F13B: variants seen among roughly 807,000 people sequenced by gnomAD.
The protein encoded by F13B is TGase.
F13B carries 58 observed loss-of-function variants against 79.8 expected under a neutral mutation model. The observed-to-expected ratio is 0.73, with a 90% CI of 0.59 to 0.90. F13B has a LOEUF of 0.90. Among genes scored for constraint, F13B ranks in the 40% least tolerant of loss-of-function variants. F13B has a pLI of 0.00. For synonymous variants in F13B, 283 were observed against 260.3 expected (o/e 1.09, Z -0.84); for missense variants, 773 against 777.0 (o/e 0.99, Z 0.06).
In F13B at chr1:197,052,682, C is replaced by G. The variant is rs1415045212; in HGVS notation, c.1507G>C (p.Val503Leu). 5 of 1,611,928 alleles carry G rather than the reference C, an allele frequency of 3.1e-6. No homozygotes were observed. The highest frequency in any genetic ancestry group is 4.2e-6 in the Non-Finnish European group (5 of 1,178,890). The change falls in exon 9 of 12, where the codon GTG becomes CTG. Residue 503 changes from valine (V) to leucine (L), a missense_variant. Val to Leu is a conservative substitution (Grantham distance 32). Coordinates refer to ENST00000367412, the MANE Select transcript of F13B (RefSeq NM_001994.3). ...SPLTPLSELS[V>L]QCNRGEVKYP... ...TTCACTTCTCCTCTGTTGCACTGCA[C>G]AGATAATTCAGACAATGGGGTTAAT...
At chr1:197,060,187 A>G (rs1224069226) in intron 5 of F13B, among the ~76,000 whole-genome samples, 179 bp downstream of exon 5, 1 of 152,032 alleles carries the variant, frequency 6.6e-6, no homozygotes, top group African/African-American at 2.4e-5. Context: ...AACAAGATTT[A>G]TTCAGGTGGG....
chr1:197,048,054 G>C (rs1227799660), intron 10 of F13B, among the ~76,000 whole-genome samples: 2 of 152,064 alleles, frequency 1.3e-5, no homozygotes, highest in South Asian at 2.1e-4. Flanking sequence ...GTTGATGGGT[G>C]CAGCAAACCA....
intron 9 of F13B, among the ~76,000 whole-genome samples, chr1:197,052,000 T>C (rs1263002361): frequency 6.6e-6 from 1 of 152,178 alleles, no homozygotes; most frequent in Non-Finnish European, 1.5e-5. Context: ...GATAGTTTCT[T>C]TTGCTGTGCA....
chr1:197,047,436 A>G (rs1345488121), intron 10 of F13B, among the ~76,000 whole-genome samples: 2 of 151,674 alleles, frequency 1.3e-5, no homozygotes, highest in East Asian at 3.9e-4. Flanking sequence ...CAGAACCACA[A>G]TGAGAGACCA....
rs1237146649 is a variant in F13B, at chr1:197,060,353, T to A, written c.805+13A>T. On this transcript the variant is annotated intron_variant, in intron 5 of 11. Transcript: ENST00000367412. ...GACATGGCATTTTGCGAGTATTAAA[T>A]TTAAAAATTTACCTTCGCATACAGG... 1.9e-6 allele frequency: 3 copies of A among 1,604,586 alleles called. No homozygotes were observed. The highest frequency in any genetic ancestry group is 2.6e-6 in the Non-Finnish European group (3 of 1,172,038).
At chr1:197,060,675 T>C (rs1449647224) in intron 4 of F13B, 133 bp from the exon 5 acceptor site, 1 of 741,776 alleles carries the variant, frequency 1.3e-6, no homozygotes, top group African/African-American at 1.8e-5. Context: ...ATTTTATATA[T>C]TTGTTAAATA....
intron 8 of F13B, among the ~76,000 whole-genome samples, chr1:197,053,310 C>G (rs1209341128): frequency 1.3e-5 from 2 of 152,122 alleles, no homozygotes; most frequent in Non-Finnish European, 2.9e-5. Context: ...CAAATCTCAT[C>G]TTGAATTGTA....
At chr1:197,055,079 G>A (rs1655586772) in intron 8 of F13B, among the ~76,000 whole-genome samples, 4 of 151,824 alleles carry the variant, frequency 2.6e-5, no homozygotes, top group African/African-American at 9.7e-5. Flanking sequence ...GACAAACCAT[G>A]TTTACAATAT....
chr1:197,039,401 A>G lies in F13B; in HGVS notation c.1963T>C (p.Tyr655His). The G allele has an allele frequency of 2.5e-6, 4 of 1,610,644 alleles. No individual in the cohort carries two copies. The highest frequency in any genetic ancestry group is 3.4e-6 in the Non-Finnish European group (4 of 1,177,858). Reference sequence around the variant, plus strand: ...TTCTATGTTCTTAAGGGTTCTTGATAAGACAGAGTGCTTGAGGGGAAAAAG... The same window carrying G: ...TTCTATGTTCTTAAGGGTTCTTGATGAGACAGAGTGCTTGAGGGGAAAAAG... The part of the protein sequence containing the change: ...RCIPRQSTLS[Y>H]QEPLRT Residue 655 changes from tyrosine to histidine, a missense_variant, in exon 12 of 12, where the codon TAT (tyrosine) becomes CAT (histidine). Coordinates refer to ENST00000367412, the MANE Select transcript of F13B (RefSeq NM_001994.3).
intron 10 of F13B, among the ~76,000 whole-genome samples, chr1:197,041,672 T>A (rs368657511): frequency 3.3e-5 from 5 of 152,198 alleles, no homozygotes; most frequent in African/African-American, 7.2e-5. Context: ...AAACCGCAGA[T>A]AATGCTAAAC....
At chr1:197,044,929 A>G (rs974134422) in intron 10 of F13B, among the ~76,000 whole-genome samples, 2 of 152,174 alleles carry the variant, frequency 1.3e-5, no homozygotes, top group African/African-American at 4.8e-5. Flanking sequence ...AACGAAATGA[A>G]GGCAGAAATA....
At chr1:197,064,213 T>C (rs1655970666) in intron 1 of F13B, among the ~76,000 whole-genome samples, 1 of 152,120 alleles carries the variant, frequency 6.6e-6, no homozygotes, top group African/African-American at 2.4e-5. Flanking sequence ...CAACTGAAAG[T>C]ATAAATCAGT....
intron 5 of F13B, among the ~76,000 whole-genome samples, chr1:197,059,695 T>C (rs1345654576): frequency 1.3e-5 from 2 of 152,194 alleles, no homozygotes; most frequent in Non-Finnish European, 2.9e-5. Flanking sequence ...GATTGTACCA[T>C]TTGTCACATT....
chr1:197,040,058 T>C (rs899522198), intron 11 of F13B: 5 of 154,882 alleles, frequency 3.2e-5, no homozygotes, highest in African/African-American at 9.6e-5. Context: ...GGATATATTT[T>C]TTAAACTGTC....
At chr1:197,047,706 G>C (rs1558305141) in intron 10 of F13B, among the ~76,000 whole-genome samples, 1 of 152,064 alleles carries the variant, frequency 6.6e-6, no homozygotes, top group African/African-American at 2.4e-5. Flanking sequence ...GTTTTTTGCA[G>C]AACTATTCAC....
rs771039575 is a variant in F13B at position 197,057,169 on chromosome 1, GT to G, written c.1014del (p.Glu338AspfsTer23). The stretch of plus-strand genomic sequence containing the variant: ...GCTGCACCATTTTCAATGAAGGGTG[GT>G]TCCTCACAGGCTACCTTCTCCTGTC... Reference protein sequence around the residue: ...IEGQEKVACEEPPFIENGAAN... With the variant: ...IEGQEKVACEXPPFIENGAAN... On this transcript the variant is annotated frameshift_variant, in exon 7 of 12. Transcript: ENST00000367412. LOFTEE classifies it high-confidence loss of function. 1 of 1,613,840 alleles carries G rather than the reference GT, an allele frequency of 6.2e-7. No individual in the cohort carries two copies. The highest frequency in any genetic ancestry group is 1.7e-5 in the Admixed American group (1 of 59,940).
intron 7 of F13B, among the ~76,000 whole-genome samples, chr1:197,056,703 G>A (rs752452137): frequency 6.6e-6 from 1 of 152,114 alleles, no homozygotes; most frequent in South Asian, 2.1e-4. Context: ...GAAGCACATC[G>A]TCATTTATGT....
chr1:197,058,008 C>T (rs1321621094), intron 5 of F13B, among the ~76,000 whole-genome samples: 2 of 152,140 alleles, frequency 1.3e-5, no homozygotes, highest in Non-Finnish European at 2.9e-5. Context: ...CTTTGATAGC[C>T]ATCGATGCAA....
intron 8 of F13B, among the ~76,000 whole-genome samples, chr1:197,053,107 TTC>T (rs1310849466): frequency 6.6e-6 from 1 of 152,070 alleles, no homozygotes; most frequent in Non-Finnish European, 1.5e-5. Flanking sequence ...AATAATAATT[TTC>T]TTTCTATAAA....
Sources: gnomAD v4.1 joint callset for allele counts (sites outside exome capture counted in the v4.1 genomes callset) on GRCh38, gnomAD v4.1.1 for gene constraint, MANE v1.5 for transcripts, NCBI Gene and HGNC (gene_info 2026-07-23, HGNC 2026-07-21) for gene names.